Variants in ARK2N observed in about 807,000 individuals in gnomAD.
ARK2N encodes the protein arkadia (RNF111) N-terminal like PKA signaling regulator 2N, also known as protein ARK2N.
At chr18:46,176,013 A>G in the ARK2N span, among the ~76,000 whole-genome samples, 2 of 152,340 alleles carry the variant, frequency 1.3e-5, no homozygotes, top group East Asian at 3.9e-4. Context: ...TTCAAAACCC[A>G]TATAGTAAAG....
chr18:46,240,975 G>A, the ARK2N span, among the ~76,000 whole-genome samples: 1 of 152,326 alleles, frequency 6.6e-6, no homozygotes, highest in African/African-American at 2.4e-5. Context: ...CTTATGCAGT[G>A]TATAATTTCT....
chr18:46,198,345 C>G, the ARK2N span, among the ~76,000 whole-genome samples: 4,610 of 142,586 alleles, frequency 0.032, 150 homozygotes, highest in African/African-American at 0.083. Context: ...AAGCTTGACT[C>G]TTTTTTAAAT....
chr18:46,210,525 A>G, the ARK2N span, among the ~76,000 whole-genome samples: 1 of 152,146 alleles, frequency 6.6e-6, no homozygotes, highest in East Asian at 1.9e-4. Context: ...TCAACTGGGT[A>G]TTTGGGTGGA....
At chr18:46,216,215 C>T in the ARK2N span, 1 of 1,613,918 alleles carries the variant, frequency 6.2e-7, no homozygotes, top group East Asian at 2.2e-5. This position sits in a 1 kb window ranked among gnomAD's most constrained non-coding sequence, Gnocchi z 4.3. Flanking sequence ...TTGTCTTCCG[C>T]AGAAGAGAAT....
chr18:46,244,977 A>C, the ARK2N span, among the ~76,000 whole-genome samples: 209 of 152,082 alleles, frequency 1.4e-3, 1 homozygote, highest in Middle Eastern at 0.01. Context: ...TCTGTCGCTC[A>C]GGCTGGATGC....
At chr18:46,179,944 C>A in the ARK2N span, among the ~76,000 whole-genome samples, 10 of 151,992 alleles carry the variant, frequency 6.6e-5, no homozygotes, top group African/African-American at 1.7e-4. Flanking sequence ...CTTCTATATT[C>A]CTGAACTGCT....
chr18:46,265,838 G>A, the ARK2N span: 1 of 152,644 alleles, frequency 6.6e-6, no homozygotes, highest in African/African-American at 2.4e-5. Flanking sequence ...AGTTCTTTAT[G>A]CTTCACAGGA....
chr18:46,237,865 GA>G, the ARK2N span, among the ~76,000 whole-genome samples: 1 of 152,136 alleles, frequency 6.6e-6, no homozygotes, highest in African/African-American at 2.4e-5. Flanking sequence ...TGAATATATT[GA>G]AAATGAAAAA....
the ARK2N span, among the ~76,000 whole-genome samples, chr18:46,208,301 A>G: frequency 1.1e-4 from 17 of 152,274 alleles, 1 homozygote; most frequent in Admixed American, 7.9e-4. Flanking sequence ...ATCCAGGGAA[A>G]ACATACACAG....
chr18:46,251,539 T>A, the ARK2N span, among the ~76,000 whole-genome samples: 1 of 152,088 alleles, frequency 6.6e-6, no homozygotes, highest in African/African-American at 2.4e-5. Flanking sequence ...GCATTAAAAA[T>A]TTTTCACATA....
chr18:46,199,740 TG>T, the ARK2N span, among the ~76,000 whole-genome samples: 1 of 152,172 alleles, frequency 6.6e-6, no homozygotes, highest in Non-Finnish European at 1.5e-5. Context: ...AAGCAGCTTA[TG>T]GGACTGCAAC....
chr18:46,266,959 A>T, the ARK2N span: 1 of 152,204 alleles, frequency 6.6e-6, no homozygotes, highest in Non-Finnish European at 1.5e-5. Flanking sequence ...AACTATTTTA[A>T]GACAAAATAA....
At chr18:46,231,040 TAGAC>T in the ARK2N span, among the ~76,000 whole-genome samples, 9 of 152,340 alleles carry the variant, frequency 5.9e-5, no homozygotes, top group South Asian at 1.9e-3. Flanking sequence ...AGCCACTTAT[TAGAC>T]AATAATAACT....
At chr18:46,245,582 A>T in the ARK2N span, among the ~76,000 whole-genome samples, 1 of 151,368 alleles carries the variant, frequency 6.6e-6, no homozygotes. Context: ...ATAAAAAAAA[A>T]AAAAAAGAAA....
chr18:46,188,538 G>T, the ARK2N span, among the ~76,000 whole-genome samples: 1 of 152,102 alleles, frequency 6.6e-6, no homozygotes, highest in Non-Finnish European at 1.5e-5. Context: ...TAGGGACGAG[G>T]TCTCACTATG....
the ARK2N span, among the ~76,000 whole-genome samples, chr18:46,189,175 A>G: frequency 7.0e-6 from 1 of 143,108 alleles, no homozygotes; most frequent in Non-Finnish European, 1.5e-5. Flanking sequence ...AGATTATGCC[A>G]CTGCACTCCA....
the ARK2N span, chr18:46,239,964 C>G: frequency 1.1e-3 from 1,760 of 1,581,894 alleles, 3 homozygotes; most frequent in Non-Finnish European, 1.2e-3. Flanking sequence ...ATTTTTCACC[C>G]CACACGTTAG....
the ARK2N span, chr18:46,232,611 C>T: frequency 1.3e-5 from 2 of 152,156 alleles, no homozygotes; most frequent in South Asian, 4.1e-4. Context: ...ACTCATTTTT[C>T]CCCCGATTTC....
the ARK2N span, among the ~76,000 whole-genome samples, chr18:46,220,989 A>G: frequency 6.6e-6 from 1 of 152,026 alleles, no homozygotes; most frequent in African/African-American, 2.4e-5. Flanking sequence ...TACAAAAGTT[A>G]GCCAGGTGTA....
Sources: gnomAD v4.1 joint callset for allele counts (sites outside exome capture counted in the v4.1 genomes callset) on GRCh38, gnomAD v4.1.1 for gene constraint, Gnocchi (gnomAD v3.1) non-coding constraint, MANE v1.5 for transcripts, NCBI Gene and HGNC (gene_info 2026-07-23, HGNC 2026-07-21) for gene names.